The following GRXCR1 variants were observed in gnomAD, a reference collection of about 807,000 sequenced individuals.
GRXCR1 encodes the protein glutaredoxin domain-containing cysteine-rich protein 1.
A neutral mutation model predicts 27.3 loss-of-function variants in GRXCR1; 27 were observed. The ratio of observed to expected loss-of-function variants is 0.99; its 90% confidence interval spans 0.73 to 1.37. GRXCR1 has a LOEUF of 1.37. GRXCR1 is among the 40% of genes most tolerant of loss of function. GRXCR1 has a pLI of 0.00. For missense variants in GRXCR1, 379 were observed against 354.4 expected (o/e 1.07, Z -0.56); for synonymous variants, 122 against 131.1 (o/e 0.93, Z 0.47).
chr4:42,953,918 C>A (rs541323825), intron 1 of GRXCR1, among the ~76,000 whole-genome samples: 2 of 152,068 alleles, frequency 1.3e-5, no homozygotes, highest in African/African-American at 4.8e-5. Context: ...ATGAAATAGG[C>A]ACTAGTGTCT....
intron 1 of GRXCR1, among the ~76,000 whole-genome samples, chr4:42,935,883 C>A (rs1747445159): frequency 6.6e-6 from 1 of 151,988 alleles, no homozygotes; most frequent in African/African-American, 2.4e-5. Context: ...TAATAGGTTT[C>A]TTTACTCTGG....
intron 1 of GRXCR1, among the ~76,000 whole-genome samples, chr4:42,920,686 C>T (rs73240021): frequency 0.16 from 24,904 of 151,990 alleles, 2,235 homozygotes; most frequent in South Asian, 0.25. Flanking sequence ...TGCCTCACTT[C>T]CTTCCTTCCA....
At chr4:42,899,207 G>T (rs191857596) in intron 1 of GRXCR1, among the ~76,000 whole-genome samples, 6 of 152,192 alleles carry the variant, frequency 3.9e-5, no homozygotes, top group Admixed American at 3.9e-4. Context: ...TAACGGACAG[G>T]ACTAGAGTTT....
chr4:42,937,877 T>C (rs989096906), intron 1 of GRXCR1, among the ~76,000 whole-genome samples: 9 of 152,012 alleles, frequency 5.9e-5, no homozygotes, highest in African/African-American at 1.9e-4. Context: ...TCAATGTACA[T>C]GAGGTGTCCA....
chr4:42,905,392 C>A (rs1044122360), intron 1 of GRXCR1, among the ~76,000 whole-genome samples: 3 of 152,158 alleles, frequency 2.0e-5, no homozygotes, highest in Admixed American at 6.5e-5. Flanking sequence ...TTTTTAATAC[C>A]TTTCCATGCC....
intron 3 of GRXCR1, among the ~76,000 whole-genome samples, chr4:43,030,009 T>G (rs1713370381): frequency 6.6e-6 from 1 of 152,214 alleles, no homozygotes; most frequent in Admixed American, 6.5e-5. Context: ...ATGGGAAAGT[T>G]AAAGTATTTT....
chr4:42,901,736 T>C (rs1746465232), intron 1 of GRXCR1, among the ~76,000 whole-genome samples: 1 of 152,218 alleles, frequency 6.6e-6, no homozygotes, highest in African/African-American at 2.4e-5. Context: ...GGCCTTGTTG[T>C]AGACTAAATC....
At chr4:42,959,146 A>G (rs953813744) in intron 1 of GRXCR1, among the ~76,000 whole-genome samples, 3 of 151,990 alleles carry the variant, frequency 2.0e-5, no homozygotes, top group African/African-American at 7.2e-5. Flanking sequence ...ATCATTATTT[A>G]CAATTGCCAA....
intron 1 of GRXCR1, among the ~76,000 whole-genome samples, chr4:42,894,779 G>T (rs1210614968): frequency 6.6e-6 from 1 of 152,044 alleles, no homozygotes; most frequent in Non-Finnish European, 1.5e-5. Context: ...AACTGATGTT[G>T]TGTTCTACTA....
chr4:42,950,259 A>G (rs895644811), intron 1 of GRXCR1, among the ~76,000 whole-genome samples: 3 of 152,136 alleles, frequency 2.0e-5, no homozygotes, highest in Non-Finnish European at 4.4e-5. Context: ...ATTGTTCAAT[A>G]TTGTAGTCCC....
At chr4:42,899,451 G>A (rs934304168) in intron 1 of GRXCR1, among the ~76,000 whole-genome samples, 3 of 152,124 alleles carry the variant, frequency 2.0e-5, no homozygotes, top group Non-Finnish European at 4.4e-5. Flanking sequence ...TTCATCCCCA[G>A]AAGATTCTCT....
chr4:43,022,631 A>C (rs1320982990), intron 3 of GRXCR1, among the ~76,000 whole-genome samples: 1 of 152,230 alleles, frequency 6.6e-6, no homozygotes, highest in Non-Finnish European at 1.5e-5. Flanking sequence ...GAGAATTTGT[A>C]GTCAATCAAG....
intron 1 of GRXCR1, among the ~76,000 whole-genome samples, chr4:42,903,916 A>T (rs1746525649): frequency 6.6e-6 from 1 of 152,122 alleles, no homozygotes; most frequent in South Asian, 2.1e-4. Flanking sequence ...CCTGCATAAG[A>T]GTCTTTGCCT....
At chr4:42,933,190 A>T (rs1235640497) in intron 1 of GRXCR1, among the ~76,000 whole-genome samples, 1 of 151,970 alleles carries the variant, frequency 6.6e-6, no homozygotes, top group African/African-American at 2.4e-5. Context: ...AAATAAGTAC[A>T]AAAGAGACAC....
At chr4:42,924,262 T>A (rs1747089964) in intron 1 of GRXCR1, among the ~76,000 whole-genome samples, 1 of 152,114 alleles carries the variant, frequency 6.6e-6, no homozygotes, top group African/African-American at 2.4e-5. Context: ...GTTAGAAATA[T>A]TTATGTGAAA....
intron 2 of GRXCR1, among the ~76,000 whole-genome samples, chr4:42,996,211 T>G (rs1315953755): frequency 6.6e-6 from 1 of 152,214 alleles, no homozygotes; most frequent in Non-Finnish European, 1.5e-5. Context: ...TGTTTATAAA[T>G]CCTGCTTTAT....
At chr4:43,021,289 TC>T (rs1486117063) in intron 3 of GRXCR1, among the ~76,000 whole-genome samples, 1 of 152,108 alleles carries the variant, frequency 6.6e-6, no homozygotes, top group Non-Finnish European at 1.5e-5. Flanking sequence ...ATTCCTCATT[TC>T]CCTCCACCAT....
At chr4:43,023,548 CAT>C (rs1713161084) in intron 3 of GRXCR1, among the ~76,000 whole-genome samples, 1 of 152,186 alleles carries the variant, frequency 6.6e-6, no homozygotes, top group Non-Finnish European at 1.5e-5. Flanking sequence ...GCTAGTAACA[CAT>C]GTGATAGCTT....
intron 1 of GRXCR1, among the ~76,000 whole-genome samples, chr4:42,926,443 A>T (rs1355546104): frequency 1.3e-5 from 2 of 151,978 alleles, no homozygotes; most frequent in African/African-American, 2.4e-5. Context: ...TGGAGCTGGT[A>T]TCACCCAACT....
Sources: allele counts gnomAD v4.1 joint callset (sites outside exome capture counted in the v4.1 genomes callset), GRCh38; gene constraint gnomAD v4.1.1; transcripts MANE v1.5; gene names NCBI Gene and HGNC (gene_info 2026-07-23, HGNC 2026-07-21).